CELF4: variants seen among roughly 807,000 people sequenced by gnomAD.
CELF4 encodes CUGBP Elav-like family member 4, also known as CUG-BP- and ETR-3-like factor 4.
In CELF4, 18 loss-of-function variants were observed where a neutral mutation model predicts 59.9. The ratio of observed to expected loss-of-function variants is 0.30; its 90% CI spans 0.21 to 0.45. The LOEUF is 0.45. Among genes scored for constraint, CELF4 ranks in the 20% least tolerant of loss-of-function variants. The probability of loss-of-function intolerance (pLI) is 1.00; values close to 1 mark genes in which losing one functional copy is unlikely to be tolerated. For missense variants in CELF4, 456 were observed against 689.0 expected (o/e 0.66, Z 3.79); for synonymous variants, 261 against 267.1 (o/e 0.98, Z 0.22).
At chr18:37,250,958 AG>A (rs1600105725) in intron 12 of CELF4, among the ~76,000 whole-genome samples, 1 of 152,032 alleles carries the variant, frequency 6.6e-6, no homozygotes, top group African/African-American at 2.4e-5. Context: ...CAGAAAAGTG[AG>A]GTGTCATATG....
intron 2 of CELF4, among the ~76,000 whole-genome samples, chr18:37,455,973 T>G (rs958684203): frequency 1.3e-5 from 2 of 152,156 alleles, no homozygotes; most frequent in Non-Finnish European, 2.9e-5. Flanking sequence ...CTCTCCCATC[T>G]CTAGCAGCAT....
intron 12 of CELF4, among the ~76,000 whole-genome samples, chr18:37,248,803 T>C (rs1326723294): frequency 1.3e-5 from 2 of 152,046 alleles, no homozygotes; most frequent in Non-Finnish European, 2.9e-5. Context: ...CCCCTCCCCA[T>C]AGTTATCTTG....
At position 37,447,559 on chromosome 18, in the gene CELF4, G is replaced by A. The variant is rs111425436; in HGVS notation, c.369+37966C>T. Among the ~76,000 whole-genome samples the A allele has an allele frequency of 4.2e-3, 634 of 152,172 alleles. 2 individuals carry two copies. Among genetic ancestry groups the A allele is most frequent in the African/African-American group, 0.014 (599 of 41,522 alleles). On this transcript the variant is annotated intron_variant, in intron 2 of 12. Transcript: ENST00000420428. The stretch of plus-strand genomic sequence containing the variant: ...CGTTTTTCTTTCTCTGTGCAGGCTC[G>A]CTCCCCAGCCTCCAGGAGCTCCCCA...
intron 2 of CELF4, among the ~76,000 whole-genome samples, chr18:37,453,712 G>A (rs1316509095): frequency 1.3e-5 from 2 of 152,160 alleles, no homozygotes; most frequent in Admixed American, 6.5e-5. Context: ...TCAGGCTGAG[G>A]GCAGGGTGCA....
intron 1 of CELF4, among the ~76,000 whole-genome samples, chr18:37,531,392 A>C (rs747366538): frequency 6.6e-6 from 1 of 152,120 alleles, no homozygotes; most frequent in Non-Finnish European, 1.5e-5. Flanking sequence ...GATGCTTCAC[A>C]TAGCCTAATG....
At chr18:37,263,639 C>G (rs960506491) in intron 10 of CELF4, among the ~76,000 whole-genome samples, 33 of 152,034 alleles carry the variant, frequency 2.2e-4, no homozygotes, top group Non-Finnish European at 1.0e-4. Flanking sequence ...ATGTGGGTAC[C>G]TAGGCACTGG....
At chr18:37,381,978 G>A (rs749837585) in intron 2 of CELF4, among the ~76,000 whole-genome samples, 5 of 152,338 alleles carry the variant, frequency 3.3e-5, no homozygotes, top group Non-Finnish European at 7.3e-5. Context: ...CTGGGAGGAG[G>A]AGCCTTGGAC....
intron 1 of CELF4, among the ~76,000 whole-genome samples, chr18:37,516,105 C>A (rs1569569722): frequency 1.3e-5 from 2 of 152,198 alleles, no homozygotes; most frequent in Non-Finnish European, 2.9e-5. Flanking sequence ...TAGACCTTTT[C>A]AGTCTCAGAT....
intron 2 of CELF4, among the ~76,000 whole-genome samples, chr18:37,382,152 G>C (rs2099047599): frequency 6.6e-6 from 1 of 152,198 alleles, no homozygotes; most frequent in African/African-American, 2.4e-5. Context: ...CTAAGTGCTT[G>C]ACTTCTGTTG....
chr18:37,459,195 T>A (rs1244102954), intron 2 of CELF4, among the ~76,000 whole-genome samples: 1 of 152,196 alleles, frequency 6.6e-6, no homozygotes, highest in East Asian at 1.9e-4. Flanking sequence ...TTAAAGTGTT[T>A]TCTTGCGCTC....
At chr18:37,459,930 G>A (rs2099788949) in intron 2 of CELF4, among the ~76,000 whole-genome samples, 1 of 152,170 alleles carries the variant, frequency 6.6e-6, no homozygotes, top group Non-Finnish European at 1.5e-5. Context: ...AGTTTGAATG[G>A]CATGATGTGC....
intron 2 of CELF4, among the ~76,000 whole-genome samples, chr18:37,428,765 C>G (rs2099629982): frequency 6.6e-6 from 1 of 152,160 alleles, no homozygotes. Context: ...CCCATGTGTT[C>G]TGAGCAGCAG....
At chr18:37,391,074 A>T (rs2099156215) in intron 2 of CELF4, among the ~76,000 whole-genome samples, 1 of 152,042 alleles carries the variant, frequency 6.6e-6, no homozygotes, top group South Asian at 2.1e-4. Flanking sequence ...GGCCGGCCTG[A>T]GGTGCCACCA....
intron 3 of CELF4, among the ~76,000 whole-genome samples, chr18:37,284,153 A>G (rs1359240664): frequency 2.0e-5 from 3 of 150,796 alleles, no homozygotes; most frequent in Non-Finnish European, 4.4e-5. Context: ...ACACACACAG[A>G]TACACACACC....
intron 1 of CELF4, among the ~76,000 whole-genome samples, chr18:37,530,925 G>T (rs1443992163): frequency 6.6e-6 from 1 of 151,366 alleles, no homozygotes. Context: ...GGACTGATAA[G>T]AATCTGGTCC....
rs2099978912 is a variant in CELF4 at position 37,543,080 on chromosome 18, TTCC to T, written c.286+22273_286+22275del. 1.3e-5 allele frequency among the ~76,000 whole-genome samples: 2 copies of T among 152,076 alleles called. 1 individual carries two copies. Among genetic ancestry groups the T allele is most frequent in the South Asian group, 4.1e-4 (2 of 4,824 alleles). On this transcript the variant is annotated intron_variant, in intron 1 of 12. Transcript: ENST00000420428. The stretch of plus-strand genomic sequence containing the variant: ...TGGTCTCTGAGCAACCCCTCAAATC[TTCC>T]CATGCCTTCCCATCCCCAGCCTCCA...
intron 1 of CELF4, among the ~76,000 whole-genome samples, chr18:37,561,598 C>T (rs2099986556): frequency 6.6e-6 from 1 of 152,126 alleles, no homozygotes; most frequent in African/African-American, 2.4e-5. Context: ...GTGTGATCCA[C>T]TGTTTATGTG....
intron 2 of CELF4, among the ~76,000 whole-genome samples, chr18:37,328,544 G>A (rs545953504): frequency 4.6e-5 from 7 of 152,336 alleles, no homozygotes; most frequent in Non-Finnish European, 1.0e-4. Flanking sequence ...TGGAGACACA[G>A]ATTCATATCT....
chr18:37,559,013 G>C (rs772725682), intron 1 of CELF4, among the ~76,000 whole-genome samples: 1 of 152,016 alleles, frequency 6.6e-6, no homozygotes, highest in African/African-American at 2.4e-5. Context: ...AGGGTGATGG[G>C]TGGGGAATGA....
Sources: allele counts gnomAD v4.1 joint callset (sites outside exome capture counted in the v4.1 genomes callset), GRCh38; gene constraint gnomAD v4.1.1; transcripts MANE v1.5; gene names NCBI Gene and HGNC (gene_info 2026-07-23, HGNC 2026-07-21).